Variants in SYNJ2 observed in about 807,000 individuals in gnomAD.
SYNJ2 encodes polyphosphatidylinositol phosphatase SYNJ2.
In SYNJ2, 116 loss-of-function variants were observed where a neutral mutation model predicts 141.3. The ratio of observed to expected loss-of-function variants is 0.82; its 90% confidence interval spans 0.71 to 0.96. The LOEUF (loss-of-function observed/expected upper bound fraction) is 0.96. Ranked by LOEUF, SYNJ2 falls within the 40% of genes least tolerant of loss-of-function variation. SYNJ2 has a pLI of 0.00. For missense variants in SYNJ2, 1,873 were observed against 1,934.8 expected (o/e 0.97, Z 0.60); for synonymous variants, 745 against 777.7 (o/e 0.96, Z 0.70).
intron 5 of SYNJ2, among the ~76,000 whole-genome samples, chr6:158,054,714 A>C (rs1368525735): frequency 6.6e-6 from 1 of 152,216 alleles, no homozygotes; most frequent in Admixed American, 6.5e-5. Context: ...GAAGAATTGC[A>C]GCAGACATGG....
intron 26 of SYNJ2, 77 bp from the exon 27 acceptor site, chr6:158,095,541 T>C: frequency 6.7e-7 from 1 of 1,497,390 alleles, no homozygotes; most frequent in South Asian, 1.3e-5. Context: ...TGTTCTCTGC[T>C]GGCCACTCTG....
intron 5 of SYNJ2, among the ~76,000 whole-genome samples, chr6:158,049,476 A>G (rs1428649014): frequency 6.6e-6 from 1 of 152,200 alleles, no homozygotes; most frequent in Non-Finnish European, 1.5e-5. Context: ...TGAGCTCCGG[A>G]GAGAACATGA....
In SYNJ2 at chr6:158,063,863, C is replaced by G. The variant is rs141957604; in HGVS notation, c.1200C>G (p.Ile400Met). The change falls in exon 9 of 27, where the codon ATC becomes ATG. Residue 400 changes from isoleucine to methionine, a missense_variant. Transcript: ENST00000355585. ...GAACCAACACTGTGCAGAGCTTCAT[C>G]GCGCTCGAGGTGCGTCCCTGCCACA... ...LDRTNTVQSF[I>M]ALEVLHLQLK... is the part of the protein sequence containing the mutation. 6.2e-7 allele frequency: 1 copy of G among 1,613,334 alleles called. No homozygotes were observed. Among genetic ancestry groups the G allele is most frequent in the African/African-American group, 1.3e-5 (1 of 74,900 alleles).
chr6:157,993,799 T>G (rs1562311024), intron 1 of SYNJ2, among the ~76,000 whole-genome samples: 1 of 11,782 alleles, frequency 8.5e-5, no homozygotes, highest in Non-Finnish European at 1.5e-4. Context: ...ATGTGTGGGT[T>G]TTTTTTTTTT....
At chr6:157,981,409 ACCCCGCTT>A (rs1032791940), upstream of SYNJ2, among the ~76,000 whole-genome samples, 1 of 152,066 alleles carries the variant, frequency 6.6e-6, no homozygotes, top group Non-Finnish European at 1.5e-5. This position sits in a 1 kb window ranked among gnomAD's most constrained non-coding sequence, Gnocchi z 6.4. Context: ...CGCAGTTATG[ACCCCGCTT>A]CCCCGCAGGG....
chr6:158,075,237 T>C (rs1348479934), intron 16 of SYNJ2, among the ~76,000 whole-genome samples: 1 of 151,076 alleles, frequency 6.6e-6, no homozygotes, highest in East Asian at 2.0e-4. Flanking sequence ...CGGTCAACCT[T>C]CTCCTCCTTC....
At position 158,060,119 on chromosome 6, in the gene SYNJ2, CT is replaced by C. The variant is rs562285346; in HGVS notation, c.954+767del. Among the ~76,000 whole-genome samples, 5 of 152,324 alleles carry C rather than the reference CT, an allele frequency of 3.3e-5. No individual in the cohort carries two copies. The South Asian group carries it at 1.0e-3, about 32-fold the overall frequency. ...GAGCAGGAACTTCGGTGGCTTTCCC[CT>C]GCTTGCCGGCTGGCCTTCAAATTTC... On this transcript the variant is annotated intron_variant, in intron 7 of 26. Transcript: ENST00000355585.
chr6:158,093,452 A>AAC (rs4021234), intron 26 of SYNJ2, among the ~76,000 whole-genome samples: 73,354 of 144,278 alleles, frequency 0.51, 18,187 homozygotes, highest in African/African-American at 0.57. Flanking sequence ...AAAAAAAACA[A>AAC]AAAAAAAAAA....
rs186740836 is a variant in SYNJ2, at chr6:157,999,442, T to C, written c.127+17354T>C. 6.2e-4 allele frequency among the ~76,000 whole-genome samples: 95 copies of C among 152,368 alleles called. 3 individuals carry two copies. The East Asian group carries it at 0.017, about 27-fold the overall frequency. On this transcript the variant is annotated intron_variant, in intron 1 of 26. Transcript: ENST00000355585. The stretch of plus-strand genomic sequence containing the variant: ...CTTTTTCCCATGGGATGTTTGGTTG[T>C]CTCTGTACAGGCTCTGAGCCAGCCC...
At chr6:158,091,635 A>G (rs1435222671) in intron 25 of SYNJ2, among the ~76,000 whole-genome samples, 2 of 151,786 alleles carry the variant, frequency 1.3e-5, no homozygotes, top group Non-Finnish European at 2.9e-5. Context: ...TGTTAGTCCC[A>G]GTTACTCGGG....
At chr6:158,003,079 C>T (rs1444456016) in intron 1 of SYNJ2, among the ~76,000 whole-genome samples, 1 of 152,194 alleles carries the variant, frequency 6.6e-6, no homozygotes, top group African/African-American at 2.4e-5. Flanking sequence ...GGGTTTCTGG[C>T]TCTGACTGCG....
chr6:158,015,284 G>A lies in SYNJ2; in HGVS notation c.128-1920G>A, dbSNP rs111972875. Reference sequence around the variant, plus strand: ...TTGAAATTCCTTAACTGTGGGAGTCGAGGCAGCCTAAGAATCCTTTTCGGC... The same window carrying A: ...TTGAAATTCCTTAACTGTGGGAGTCAAGGCAGCCTAAGAATCCTTTTCGGC... On this transcript the variant is annotated intron_variant, in intron 1 of 26. Transcript: ENST00000355585. 9.8e-3 allele frequency among the ~76,000 whole-genome samples: 1,499 copies of A among 152,246 alleles called. 27 individuals are homozygous for A. The highest frequency in any genetic ancestry group is 0.034 in the African/African-American group (1,424 of 41,526).
intron 3 of SYNJ2, among the ~76,000 whole-genome samples, chr6:158,029,718 G>A (rs1779264410): frequency 6.6e-6 from 1 of 152,180 alleles, no homozygotes; most frequent in Non-Finnish European, 1.5e-5. Context: ...TACCTCCAGT[G>A]TGCAGCCGTT....
At chr6:158,000,179 G>A (rs552584533) in intron 1 of SYNJ2, among the ~76,000 whole-genome samples, 39 of 144,746 alleles carry the variant, frequency 2.7e-4, no homozygotes, top group Middle Eastern at 7.6e-3. Context: ...ACGGAATGAC[G>A]GTAACTAGCG....
chr6:157,983,932 A>G (rs907508190), intron 1 of SYNJ2, among the ~76,000 whole-genome samples: 1 of 152,090 alleles, frequency 6.6e-6, no homozygotes, highest in African/African-American at 2.4e-5. Context: ...GGCTCAAGCG[A>G]TCCTCCTGCC....
Position 158,086,957 on chromosome 6 carries a change from C to T in SYNJ2, c.3311C>T (p.Pro1104Leu), listed in dbSNP as rs1226933093. ...RSLSVPNRPRPPQPPQRPPPP... is the reference protein window; with the variant it reads ...RSLSVPNRPRLPQPPQRPPPP... ...CTGTCGGTCCCCAACCGGCCTCGGCCACCTCAACCCCCGCAGAGACCCCCC... is the reference window on the plus strand; with the variant it reads ...CTGTCGGTCCCCAACCGGCCTCGGCTACCTCAACCCCCGCAGAGACCCCCC... The change falls in exon 23 of 27, where the codon CCA (proline) becomes CTA (leucine). Residue 1104 changes from proline (P) to leucine (L), a missense_variant. By Grantham distance (98) the Pro-to-Leu change is moderately conservative. Transcript: ENST00000355585. 1 of 1,593,260 alleles carries T rather than the reference C, an allele frequency of 6.3e-7. No homozygotes were observed. The highest frequency in any genetic ancestry group is 1.7e-5 in the Admixed American group (1 of 59,908).
chr6:158,053,179 G>C (rs530717814), intron 5 of SYNJ2, among the ~76,000 whole-genome samples: 50 of 152,206 alleles, frequency 3.3e-4, no homozygotes, highest in Non-Finnish European at 5.6e-4. Context: ...CCTTCTCAGG[G>C]TACCAGATCT....
intron 19 of SYNJ2, 24 bp from the exon 20 acceptor site, chr6:158,081,408 G>A: frequency 6.2e-7 from 1 of 1,613,832 alleles, no homozygotes; most frequent in Non-Finnish European, 8.5e-7. Context: ...TCTTGGCATT[G>A]ACTTGGAGTA....
Position 158,062,162 on chromosome 6 carries a change from A to G in SYNJ2, c.1125A>G (p.Pro375=). The G allele has an allele frequency of 6.2e-7, 1 of 1,613,012 alleles. No individual in the cohort carries two copies. Among genetic ancestry groups the G allele is most frequent in the Non-Finnish European group, 8.5e-7 (1 of 1,179,584 alleles). Residue 375 remains proline (P), a splice_region_variant and synonymous_variant, in exon 8 of 27, where the codon CCA becomes CCG. Coordinates refer to ENST00000355585, the MANE Select transcript of SYNJ2 (RefSeq NM_003898.4). ...DVFTKGENVS[P]RFQKGTLRMN... ...TCACAAAGGGGGAGAACGTCAGTCC[A>G]CGGTGAGGCTCGCTGCGCACTGTGC...
Sources: allele counts gnomAD v4.1 joint callset (sites outside exome capture counted in the v4.1 genomes callset), GRCh38; gene constraint gnomAD v4.1.1; non-coding constraint Gnocchi (gnomAD v3.1); transcripts MANE v1.5; gene names NCBI Gene and HGNC (gene_info 2026-07-23, HGNC 2026-07-21).